The following AHNAK variants were observed in gnomAD, a reference collection of about 807,000 sequenced individuals.
AHNAK encodes neuroblast differentiation-associated protein AHNAK.
In AHNAK, 23 loss-of-function variants were observed where a neutral mutation model predicts 37.8. The ratio of observed to expected loss-of-function variants is 0.61; its 90% confidence interval spans 0.44 to 0.86. AHNAK has a LOEUF of 0.86. Among genes scored for constraint, AHNAK ranks in the 40% least tolerant of loss-of-function variants. AHNAK has a pLI of 0.00. For synonymous variants in AHNAK, 2,481 were observed against 2,636.3 expected (o/e 0.94, Z 1.80); for missense variants, 7,411 against 7,319.4 (o/e 1.01, Z -0.46).
chr11:62,513,873 G>A (rs1054041734), downstream of AHNAK, among the ~76,000 whole-genome samples: 3 of 152,080 alleles, frequency 2.0e-5, no homozygotes, highest in African/African-American at 4.8e-5. Flanking sequence ...CACTGGCCTC[G>A]CCATCCCTGG....
rs1940036904 is a variant in AHNAK at position 62,516,910 on chromosome 11, T to C, written c.17507A>G (p.Tyr5836Cys). Residue 5836 changes from tyrosine to cysteine, a missense_variant, in exon 5 of 5, where the codon TAT becomes TGT. Physicochemically the swap from Tyr to Cys is radical, Grantham distance 194 (BLOSUM62 -2). Coordinates refer to ENST00000378024, the MANE Select transcript of AHNAK (RefSeq NM_001620.3). The stretch of plus-strand genomic sequence containing the variant: ...CTCATCATCGCTCCCAGTCACCTCA[T>C]AATGACCTTTGCTCTTTGACCCCAA... ...GGLGSKSKGH[Y>C]EVTGSDDETG... is the part of the protein sequence containing the mutation. 3 of 1,614,164 alleles carry C rather than the reference T, an allele frequency of 1.9e-6. No individual in the cohort carries two copies. Among genetic ancestry groups the C allele is most frequent in the African/African-American group, 1.3e-5 (1 of 75,034 alleles).
chr11:62,511,667 C>T (rs1194024614), downstream of AHNAK, among the ~76,000 whole-genome samples: 1 of 152,206 alleles, frequency 6.6e-6, no homozygotes, highest in East Asian at 1.9e-4. Context: ...TGTAGCATTA[C>T]TTTATGATCA....
Position 62,518,153 on chromosome 11 carries a change from C to T in AHNAK, c.16264G>A (p.Val5422Ile), listed in dbSNP as rs763304834. 1.7e-5 allele frequency: 27 copies of T among 1,614,028 alleles called. No homozygotes were observed. The highest frequency in any genetic ancestry group is 1.2e-4 in the Admixed American group (7 of 60,000). Residue 5422 changes from valine (V) to isoleucine (I), a missense_variant, in exon 5 of 5, where the codon GTC becomes ATC. By Grantham distance (29) the Val-to-Ile change is conservative. Coordinates refer to ENST00000378024, the MANE Select transcript of AHNAK (RefSeq NM_001620.3). The part of the protein sequence containing the change: ...GISTPGSDLH[V>I]NAKGPQVSGE... ...GAAACCTGTGGCCCCTTGGCATTGACGTGCAAGTCGGACCCCGGAGTAGAG... is the reference window on the plus strand; with the variant it reads ...GAAACCTGTGGCCCCTTGGCATTGATGTGCAAGTCGGACCCCGGAGTAGAG...
chr11:62,470,036 T>C (rs960315625), intron 5 of AHNAK, among the ~76,000 whole-genome samples: 5 of 151,882 alleles, frequency 3.3e-5, no homozygotes, highest in African/African-American at 7.2e-5. Context: ...CCACGTGCAG[T>C]GCTCACGCCC....
chr11:62,540,478 C>G (rs1031648713), intron 1 of AHNAK, among the ~76,000 whole-genome samples: 1 of 152,074 alleles, frequency 6.6e-6, no homozygotes, highest in Non-Finnish European at 1.5e-5. Flanking sequence ...TAGCACACAG[C>G]CCGGTGGTCC....
At chr11:62,534,225 G>A (rs980207376) in intron 4 of AHNAK, 151 bp from the exon 5 acceptor site, 1 of 694,638 alleles carries the variant, frequency 1.4e-6, no homozygotes, top group Middle Eastern at 4.1e-4. Flanking sequence ...GCACAGCACA[G>A]GGGAGTGAAG....
At chr11:62,483,780 A>C (rs1048830776) in intron 5 of AHNAK, among the ~76,000 whole-genome samples, 7 of 150,364 alleles carry the variant, frequency 4.7e-5, no homozygotes, top group Non-Finnish European at 7.4e-5. Flanking sequence ...AATGGCGTGA[A>C]CCTGGGAGGC....
Position 62,517,512 on chromosome 11 carries a change from G to A in AHNAK, c.16905C>T (p.Leu5635=). 6.2e-7 allele frequency: 1 copy of A among 1,614,128 alleles called. No individual in the cohort carries two copies. Among genetic ancestry groups the A allele is most frequent in the Non-Finnish European group, 8.5e-7 (1 of 1,180,032 alleles). The change falls in exon 5 of 5, where the codon CTC becomes CTT. Residue 5635 remains leucine, a synonymous_variant. Coordinates refer to ENST00000378024, the MANE Select transcript of AHNAK (RefSeq NM_001620.3). ...CAGACACACTCAGCCCAGGAGCCTG[G>A]AGTCCAATCTGACCTCCTTTCACAC... The part of the protein sequence containing the change: ...EGGVKGGQIG[L]QAPGLSVSGP...
chr11:62,534,183 GACCA>G, intron 4 of AHNAK, 109 bp from the exon 5 acceptor site: 2 of 1,197,594 alleles, frequency 1.7e-6, no homozygotes, highest in Non-Finnish European at 2.3e-6. Flanking sequence ...GAGAAGCTGG[GACCA>G]AAACAGAGGT....
chr11:62,443,074 C>T (rs7935598), intron 5 of AHNAK, among the ~76,000 whole-genome samples: 22,655 of 150,448 alleles, frequency 0.15, 1,836 homozygotes, highest in Middle Eastern at 0.22. Flanking sequence ...CAGATTGCAG[C>T]GATTCTCCTG....
In AHNAK at chr11:62,529,085, C is replaced by CT; in HGVS notation, c.5331dup (p.Ala1778SerfsTer32). On this transcript the variant is annotated frameshift_variant, in exon 5 of 5. Coordinates refer to ENST00000378024, the MANE Select transcript of AHNAK (RefSeq NM_001620.3). LOFTEE classifies it low-confidence loss of function (END_TRUNC). ...ACATCTGGCATGGAGACCTTGGGAG[C>CT]TTTTATATTCAACTTGGGCATCTTA... The CT allele has an allele frequency of 6.2e-7, 1 of 1,614,062 alleles. No homozygotes were observed. The highest frequency in any genetic ancestry group is 8.5e-7 in the Non-Finnish European group (1 of 1,180,034).
In AHNAK at chr11:62,530,100, G is replaced by A. The variant is rs141288622; in HGVS notation, c.4317C>T (p.Phe1439=). ...GPDAKLKGPK[F]KMPEMSIKPQ... is the part of the protein sequence containing the mutation. ...GCTTTATACTCATTTCTGGCATCTT[G>A]AATTTGGGACCTTTTAGTTTTGCGT... is the stretch of plus-strand genomic sequence containing the variant. Residue 1439 remains phenylalanine, a synonymous_variant, in exon 5 of 5, where the codon TTC becomes TTT. Coordinates refer to ENST00000378024, the MANE Select transcript of AHNAK (RefSeq NM_001620.3). 341 of 1,614,020 alleles carry A rather than the reference G, an allele frequency of 2.1e-4. 4 individuals carry two copies. The highest frequency in any genetic ancestry group is 7.4e-4 in the South Asian group (67 of 91,062).
At chr11:62,494,645 T>C (rs866578293) in intron 4 of AHNAK, among the ~76,000 whole-genome samples, 6 of 152,096 alleles carry the variant, frequency 3.9e-5, no homozygotes, top group Middle Eastern at 6.8e-3. Flanking sequence ...GGTAGGCAAA[T>C]GGCTTGAGCC....
At chr11:62,467,189 G>A (rs1938929959) in intron 5 of AHNAK, among the ~76,000 whole-genome samples, 1 of 143,360 alleles carries the variant, frequency 7.0e-6, no homozygotes, top group Non-Finnish European at 1.5e-5. Context: ...TCCAGTGTGG[G>A]TGACAAAGTG....
Position 62,532,672 on chromosome 11 carries a change from T to C in AHNAK, c.1745A>G (p.Lys582Arg), listed in dbSNP as rs1013539428. The change falls in exon 5 of 5, where the codon AAA (lysine) becomes AGA (arginine). Residue 582 changes from lysine to arginine, a missense_variant. Transcript: ENST00000378024. ...TGTGACATCTACACCCCCTTTCACT[T>C]TAGGTGCGGCCACATTTAAGTCTAC... ...SEVDLNVAAPKVKGGVDVTLP... is the reference protein window; with the variant it reads ...SEVDLNVAAPRVKGGVDVTLP... 1.2e-6 allele frequency: 2 copies of C among 1,613,860 alleles called. No individual in the cohort carries two copies. Among genetic ancestry groups the C allele is most frequent in the Non-Finnish European group, 1.7e-6 (2 of 1,179,986 alleles).
chr11:62,440,390 C>G (rs1938279394), intron 5 of AHNAK, among the ~76,000 whole-genome samples: 1 of 152,064 alleles, frequency 6.6e-6, no homozygotes, highest in Non-Finnish European at 1.5e-5. Context: ...ACCAAGGAAC[C>G]TGGGATTGCT....
At position 62,529,341 on chromosome 11, in the gene AHNAK, G is replaced by A. The variant is rs2134232057; in HGVS notation, c.5076C>T (p.Pro1692=). 1.9e-6 allele frequency: 3 copies of A among 1,614,022 alleles called. No homozygotes were observed. In the African/African-American group the frequency reaches 4.0e-5, roughly 22 times the overall value. The change falls in exon 5 of 5, where the codon CCC becomes CCT. Residue 1692 remains proline (P), a synonymous_variant. Coordinates refer to ENST00000378024, the MANE Select transcript of AHNAK (RefSeq NM_001620.3). The stretch of plus-strand genomic sequence containing the variant: ...CATCTGGGGCATCAATGTCCACTTT[G>A]GGCCCTTTAATGTCAACATCTGGCA... ...MKVPDVDIKG[P]KVDIDAPDVE...
chr11:62,454,748 GGAGT>G (rs1336404574), intron 5 of AHNAK, among the ~76,000 whole-genome samples: 2 of 152,028 alleles, frequency 1.3e-5, no homozygotes, highest in South Asian at 2.1e-4. Context: ...GAGGGAGAAA[GGAGT>G]GAGAGGCATT....
At chr11:62,453,714 G>C (rs939212463) in intron 5 of AHNAK, among the ~76,000 whole-genome samples, 2 of 152,178 alleles carry the variant, frequency 1.3e-5, no homozygotes, top group Middle Eastern at 3.2e-3. Flanking sequence ...TGAATTTAGC[G>C]GGCTATGTTC....
Sources: allele counts gnomAD v4.1 joint callset (sites outside exome capture counted in the v4.1 genomes callset), GRCh38; gene constraint gnomAD v4.1.1; transcripts MANE v1.5; gene names NCBI Gene and HGNC (gene_info 2026-07-23, HGNC 2026-07-21).